Variants in MCTP1 observed in about 807,000 individuals in gnomAD.
MCTP1 encodes multiple C2 and transmembrane domain-containing protein 1.
MCTP1 carries 69 observed loss-of-function variants against 120.6 expected under a neutral mutation model. The ratio of observed to expected loss-of-function variants is 0.57; its 90% CI spans 0.47 to 0.70. MCTP1 has a LOEUF of 0.70. Among genes scored for constraint, MCTP1 ranks in the 30% least tolerant of loss-of-function variants. MCTP1 has a pLI of 0.00. For synonymous variants in MCTP1, 529 were observed against 493.1 expected, an observed-to-expected ratio of 1.07 and a Z score of -0.96; for missense variants, 1,203 against 1,248.8, an observed-to-expected ratio of 0.96 and a Z score of 0.55.
intron 17 of MCTP1, among the ~76,000 whole-genome samples, chr5:94,861,100 T>C (rs1286434579): frequency 6.6e-6 from 1 of 151,834 alleles, no homozygotes; most frequent in Non-Finnish European, 1.5e-5. Flanking sequence ...ATGACTACTC[T>C]GTTATTGATC....
rs75822421 is a variant in MCTP1, at chr5:95,151,382, T to C, written c.720+132474A>G. Among the ~76,000 whole-genome samples the C allele has an allele frequency of 9.0e-3, 1,365 of 152,156 alleles. 12 individuals carry two copies. Among genetic ancestry groups the C allele is most frequent in the Middle Eastern group, 0.027 (8 of 294 alleles). ...AAGGTTTTCATCCTAATCATCTTCA[T>C]GTTGAGTAGGTTGAGAAGGAGAAGG... On this transcript the variant is annotated intron_variant, in intron 1 of 22. Transcript: ENST00000515393.
chr5:95,075,911 C>A (rs1471856350), intron 1 of MCTP1, among the ~76,000 whole-genome samples: 1 of 152,082 alleles, frequency 6.6e-6, no homozygotes, highest in Non-Finnish European at 1.5e-5. Flanking sequence ...TAATTTAAAA[C>A]CAGTAATAAG....
intron 12 of MCTP1, among the ~76,000 whole-genome samples, chr5:94,886,430 T>A (rs1416162378): frequency 6.6e-6 from 1 of 152,208 alleles, no homozygotes; most frequent in African/African-American, 2.4e-5. Context: ...GCTGAAACAA[T>A]GGGAGTTTAA....
intron 1 of MCTP1, among the ~76,000 whole-genome samples, chr5:95,225,154 A>C (rs1033413357): frequency 1.3e-5 from 2 of 152,214 alleles, no homozygotes; most frequent in Admixed American, 1.3e-4. Context: ...ATACCAGTAG[A>C]ATAATGAGCT....
intron 17 of MCTP1, among the ~76,000 whole-genome samples, chr5:94,857,056 GCAGA>G (rs1472637029): frequency 6.6e-6 from 1 of 151,726 alleles, no homozygotes; most frequent in Non-Finnish European, 1.5e-5. Flanking sequence ...GGATCTCACA[GCAGA>G]CAGAGGAGGA....
intron 19 of MCTP1, among the ~76,000 whole-genome samples, chr5:94,758,301 A>G (rs1336289810): frequency 6.6e-6 from 1 of 152,206 alleles, no homozygotes; most frequent in Non-Finnish European, 1.5e-5. Context: ...TTTCTTAATT[A>G]GAAAATCCCT....
intron 18 of MCTP1, among the ~76,000 whole-genome samples, chr5:94,782,765 A>T (rs150252875): frequency 1.3e-5 from 2 of 152,194 alleles, no homozygotes; most frequent in East Asian, 3.9e-4. Context: ...CCAGTTGCCC[A>T]AACACTTGTG....
rs527498364 is a variant in MCTP1, at chr5:94,897,964, G to A, written c.1653-3129C>T. Among the ~76,000 whole-genome samples, 6 of 152,206 alleles carry A rather than the reference G, an allele frequency of 3.9e-5. No individual in the cohort carries two copies. The South Asian group carries it at 1.2e-3, about 32-fold the overall frequency. On this transcript the variant is annotated intron_variant, in intron 10 of 22. Transcript: ENST00000515393. ...ATGCTTTAAAAATATATATAAACCA[G>A]AGAAGAAGGCTGTAAGTTATTGTTC...
chr5:95,162,979 C>G (rs1394505486), intron 1 of MCTP1, among the ~76,000 whole-genome samples: 1 of 152,118 alleles, frequency 6.6e-6, no homozygotes, highest in Non-Finnish European at 1.5e-5. Context: ...CATCCTTACT[C>G]TTTGAACAAG....
intron 1 of MCTP1, among the ~76,000 whole-genome samples, chr5:95,204,698 T>A (rs1259248436): frequency 7.2e-5 from 11 of 152,108 alleles, no homozygotes; most frequent in Admixed American, 5.9e-4. Flanking sequence ...GATTAATATA[T>A]AAATTAATTT....
rs148817420 is a variant in MCTP1 at position 94,839,434 on chromosome 5, C to T, written c.2436+28899G>A. Among the ~76,000 whole-genome samples the T allele has an allele frequency of 3.0e-3, 458 of 152,008 alleles. 4 individuals are homozygous for T. Among genetic ancestry groups the T allele is most frequent in the African/African-American group, 0.011 (444 of 41,456 alleles). On this transcript the variant is annotated intron_variant, in intron 17 of 22. Transcript: ENST00000515393. ...TTTCACACTGGAATACTAAAAAACT[C>T]CAGGGTTGACACAGCAGTTTGCTGA...
At chr5:94,884,015 A>G (rs1485746049) in intron 12 of MCTP1, among the ~76,000 whole-genome samples, 1 of 152,196 alleles carries the variant, frequency 6.6e-6, no homozygotes, top group Non-Finnish European at 1.5e-5. Flanking sequence ...GAATAGACCC[A>G]TAATGTTCAG....
In MCTP1 at chr5:95,114,044, A is replaced by G. The variant is rs575080796; in HGVS notation, c.721-96560T>C. ...TTCTAGACATATTCTGGGCCAGAAG[A>G]GAACCTACAGGCTTGAAGGGAAGGA... is the stretch of plus-strand genomic sequence containing the variant. On this transcript the variant is annotated intron_variant, in intron 1 of 22. Coordinates refer to ENST00000515393, the MANE Select transcript of MCTP1 (RefSeq NM_024717.7). 2.6e-5 allele frequency among the ~76,000 whole-genome samples: 4 copies of G among 152,328 alleles called. 1 individual carries two copies. Among genetic ancestry groups the G allele is most frequent in the African/African-American group, 9.6e-5 (4 of 41,568 alleles).
intron 12 of MCTP1, among the ~76,000 whole-genome samples, chr5:94,874,286 C>T: frequency 6.6e-6 from 1 of 152,032 alleles, no homozygotes. Context: ...TCTGCAAAAG[C>T]TTAAATATCA....
chr5:94,772,103 T>C (rs1248183121), intron 19 of MCTP1, among the ~76,000 whole-genome samples: 2 of 152,158 alleles, frequency 1.3e-5, no homozygotes, highest in African/African-American at 4.8e-5. Flanking sequence ...CAGCTGTTCA[T>C]TCTTGGTTAT....
intron 1 of MCTP1, among the ~76,000 whole-genome samples, chr5:95,161,437 G>A (rs1236990622): frequency 6.6e-6 from 1 of 152,126 alleles, no homozygotes; most frequent in Non-Finnish European, 1.5e-5. Flanking sequence ...CCAGAGGCTG[G>A]GGGAAGGGGG....
chr5:94,839,150 C>T (rs1790456363), intron 17 of MCTP1, among the ~76,000 whole-genome samples: 1 of 152,130 alleles, frequency 6.6e-6, no homozygotes, highest in Non-Finnish European at 1.5e-5. Context: ...AGATACCATC[C>T]CTATGGTCAG....
chr5:94,814,552 T>C (rs1307480728), intron 17 of MCTP1, among the ~76,000 whole-genome samples: 1 of 152,126 alleles, frequency 6.6e-6, no homozygotes, highest in African/African-American at 2.4e-5. Context: ...AGTGGCAATA[T>C]AATGCTACCA....
intron 1 of MCTP1, among the ~76,000 whole-genome samples, chr5:95,248,347 G>A (rs917892323): frequency 6.6e-6 from 1 of 152,082 alleles, no homozygotes; most frequent in Admixed American, 6.6e-5. Flanking sequence ...AAATCAATGT[G>A]CAAAAATCAC....
Sources: gnomAD v4.1 joint callset for allele counts (sites outside exome capture counted in the v4.1 genomes callset) on GRCh38, gnomAD v4.1.1 for gene constraint, MANE v1.5 for transcripts, NCBI Gene and HGNC (gene_info 2026-07-23, HGNC 2026-07-21) for gene names.